The following EGFLAM variants were observed in gnomAD, a reference collection of about 807,000 sequenced individuals.
EGFLAM encodes the protein pikachurin.
A neutral mutation model predicts 113.1 loss-of-function variants in EGFLAM; 79 were observed. The ratio of observed to expected loss-of-function variants is 0.70; its 90% CI spans 0.58 to 0.84. The LOEUF (loss-of-function observed/expected upper bound fraction) is 0.84, where lower values mean the gene tolerates loss of function less well. Among genes scored for constraint, EGFLAM ranks in the 40% least tolerant of loss-of-function variants. The probability of loss-of-function intolerance (pLI) is 0.00; values close to 1 mark genes in which losing one functional copy is unlikely to be tolerated. For synonymous variants in EGFLAM, 504 were observed against 487.6 expected (o/e 1.03, Z -0.44); for missense variants, 1,265 against 1,291.6 (o/e 0.98, Z 0.32).
chr5:38,338,888 G>C, intron 3 of EGFLAM, 107 bp downstream of exon 3: 1 of 865,438 alleles, frequency 1.2e-6, no homozygotes, highest in Non-Finnish European at 1.9e-6. Context: ...AATAACTAAT[G>C]CTTGTAATAG....
At chr5:38,460,368 C>T (rs1419795856) in intron 20 of EGFLAM, among the ~76,000 whole-genome samples, 5 of 152,210 alleles carry the variant, frequency 3.3e-5, no homozygotes, top group Non-Finnish European at 4.4e-5. Context: ...GTTAAATGAT[C>T]TTCCCCTAGA....
intron 6 of EGFLAM, among the ~76,000 whole-genome samples, chr5:38,397,806 G>A (rs1468133178): frequency 6.6e-6 from 1 of 150,702 alleles, no homozygotes; most frequent in Non-Finnish European, 1.5e-5. Context: ...CATGAGCAAA[G>A]GGGACTTAAA....
chr5:38,428,524 A>T (rs1742088441), intron 14 of EGFLAM, among the ~76,000 whole-genome samples: 1 of 152,262 alleles, frequency 6.6e-6, no homozygotes, highest in South Asian at 2.1e-4. Flanking sequence ...AAATAGCCTA[A>T]GCAATTCACT....
intron 14 of EGFLAM, among the ~76,000 whole-genome samples, chr5:38,430,652 G>A (rs1472427699): frequency 6.6e-6 from 1 of 152,118 alleles, no homozygotes; most frequent in Non-Finnish European, 1.5e-5. Context: ...GCTATAAATA[G>A]ACATGTAGAG....
intron 12 of EGFLAM, 107 bp from the exon 13 acceptor site, chr5:38,424,860 A>G: frequency 6.9e-7 from 1 of 1,444,742 alleles, no homozygotes; most frequent in Non-Finnish European, 9.3e-7. Flanking sequence ...AGGAGTAAGA[A>G]CTGAAATGTA....
chr5:38,288,047 T>G (rs1226996409), intron 1 of EGFLAM, among the ~76,000 whole-genome samples: 1 of 152,208 alleles, frequency 6.6e-6, no homozygotes, highest in Non-Finnish European at 1.5e-5. Context: ...TTAACTATAT[T>G]AGATTTAAAT....
At chr5:38,356,072 T>C (rs1422739155) in intron 5 of EGFLAM, among the ~76,000 whole-genome samples, 2 of 152,318 alleles carry the variant, frequency 1.3e-5, no homozygotes, top group Non-Finnish European at 2.9e-5. Flanking sequence ...TTATGTATAT[T>C]TTAAAATTAT....
chr5:38,451,544 C>T, intron 19 of EGFLAM, 86 bp downstream of exon 19: 1 of 1,523,106 alleles, frequency 6.6e-7, no homozygotes, highest in Non-Finnish European at 8.8e-7. Context: ...AGAAGGGAGC[C>T]AGAACACAGT....
chr5:38,398,308 CTGAG>C (rs1329657718), intron 6 of EGFLAM, among the ~76,000 whole-genome samples: 2 of 152,158 alleles, frequency 1.3e-5, no homozygotes, highest in Non-Finnish European at 2.9e-5. Context: ...TGTGTCAGGA[CTGAG>C]TGAGGTTTGG....
chr5:38,410,612 A>G (rs1296954399), intron 10 of EGFLAM, among the ~76,000 whole-genome samples: 3 of 152,150 alleles, frequency 2.0e-5, no homozygotes, highest in Non-Finnish European at 4.4e-5. Flanking sequence ...CATGGTGGCT[A>G]TTTGGAAGTG....
chr5:38,434,481 G>T (rs10040954), intron 15 of EGFLAM, among the ~76,000 whole-genome samples: 6,252 of 152,250 alleles, frequency 0.041, 175 homozygotes, highest in African/African-American at 0.076. Flanking sequence ...AATAATATTT[G>T]TTAAATCAAT....
At chr5:38,282,381 C>G (rs1463506089) in intron 1 of EGFLAM, 1 of 152,138 alleles carries the variant, frequency 6.6e-6, no homozygotes, top group African/African-American at 2.4e-5. Context: ...TGATTAGAAC[C>G]TAAACTCATG....
intron 6 of EGFLAM, among the ~76,000 whole-genome samples, chr5:38,391,785 C>CT (rs544718331): frequency 2.2e-4 from 33 of 151,434 alleles, no homozygotes; most frequent in Non-Finnish European, 4.0e-4. Flanking sequence ...AATGCCTTTT[C>CT]TTTTTTTTGC....
intron 5 of EGFLAM, among the ~76,000 whole-genome samples, chr5:38,358,497 G>A (rs1579816931): frequency 6.6e-6 from 1 of 151,460 alleles, no homozygotes; most frequent in Non-Finnish European, 1.5e-5. Flanking sequence ...TGAGACCAGG[G>A]TATGCTGACT....
chr5:38,462,662 G>C (rs1400439536), intron 20 of EGFLAM: 1 of 431,368 alleles, frequency 2.3e-6, no homozygotes, highest in Non-Finnish European at 4.3e-6. Context: ...CACCCTTGTG[G>C]TCTTCGCCGT....
intron 6 of EGFLAM, among the ~76,000 whole-genome samples, chr5:38,380,694 G>A (rs552454452): frequency 5.3e-5 from 8 of 152,236 alleles, no homozygotes; most frequent in South Asian, 2.1e-4. Flanking sequence ...CATGGCAATC[G>A]CTCTATTGAT....
At position 38,258,605 on chromosome 5, in the gene EGFLAM, A is replaced by G. The variant is rs2561096; in HGVS notation, c.-150A>G. 80,825 of 836,444 alleles carry G rather than the reference A, an allele frequency of 0.097. 5,913 individuals carry two copies. The highest frequency in any genetic ancestry group is 0.32 in the African/African-American group (18,753 of 58,392). The allele number at this position is 836,444 out of a possible 1,614,324, so 51.8% of individuals were successfully genotyped here. A position where few individuals can be genotyped will look rare whatever the true frequency, so the allele number is the denominator to read the frequency against. On this transcript the variant is annotated 5_prime_UTR_variant, in exon 1 of 22. Coordinates refer to ENST00000322350, the MANE Select transcript of EGFLAM (RefSeq NM_152403.4). ...GGCTGCAGTCCTACCTCTTGGAACT[A>G]CCCGTGTTTCCGGGCCCAGCCCTCG...
intron 1 of EGFLAM, among the ~76,000 whole-genome samples, chr5:38,273,282 A>T (rs1162110615): frequency 6.6e-6 from 1 of 152,230 alleles, no homozygotes; most frequent in Non-Finnish European, 1.5e-5. Flanking sequence ...AGTCCTACAC[A>T]GCCCGATGAC....
chr5:38,435,871 G>A (rs376166416), intron 16 of EGFLAM, among the ~76,000 whole-genome samples: 11 of 137,278 alleles, frequency 8.0e-5, no homozygotes, highest in South Asian at 2.3e-4. Context: ...AGGCTGTAGC[G>A]CAGTGGCGTG....
Sources: allele counts gnomAD v4.1 joint callset (sites outside exome capture counted in the v4.1 genomes callset), GRCh38; gene constraint gnomAD v4.1.1; transcripts MANE v1.5; gene names NCBI Gene and HGNC (gene_info 2026-07-23, HGNC 2026-07-21).